Variants in ATAD3B observed in about 807,000 individuals in gnomAD.
The protein encoded by ATAD3B is ATPase family AAA domain-containing protein 3B.
Under a neutral mutation model 70.2 loss-of-function variants are expected in ATAD3B, and 59 were observed. That is an observed-to-expected ratio of 0.84 (90% CI 0.68 to 1.04). The LOEUF (loss-of-function observed/expected upper bound fraction) is 1.04, where lower values mean the gene tolerates loss of function less well. Ranked by LOEUF, ATAD3B falls within the 50% of genes least tolerant of loss-of-function variation. The pLI, the probability that ATAD3B is intolerant of heterozygous loss-of-function variation, is 0.00. For synonymous variants in ATAD3B, 423 were observed against 388.6 expected (o/e 1.09, Z -1.04); for missense variants, 961 against 913.4 (o/e 1.05, Z -0.67).
intron 15 of ATAD3B, among the ~76,000 whole-genome samples, chr1:1,492,746 T>G (rs1290394889): frequency 2.0e-5 from 3 of 151,830 alleles, no homozygotes; most frequent in African/African-American, 7.3e-5. Flanking sequence ...AAGACCAGCC[T>G]GGACAACATG....
At chr1:1,500,725 G>A (rs113320106), downstream of ATAD3B, among the ~76,000 whole-genome samples, 3,154 of 151,396 alleles carry the variant, frequency 0.021, 91 homozygotes, top group African/African-American at 0.068. Flanking sequence ...AGGCCGAGGC[G>A]GGCGGATCAC....
At chr1:1,477,732 G>T (rs1461424000) in intron 2 of ATAD3B, among the ~76,000 whole-genome samples, 1 of 147,226 alleles carries the variant, frequency 6.8e-6, no homozygotes, top group East Asian at 1.9e-4. Context: ...TTTTGAAACG[G>T]AGTCTCACTC....
At chr1:1,502,079 A>G (rs1300184024), downstream of ATAD3B, among the ~76,000 whole-genome samples, 1 of 151,522 alleles carries the variant, frequency 6.6e-6, no homozygotes, top group Non-Finnish European at 1.5e-5. Flanking sequence ...GGATTTCACC[A>G]TGTTGGCCAG....
chr1:1,482,336 ATG>A (rs746236774), intron 6 of ATAD3B, 33 bp downstream of exon 6: 6 of 1,547,870 alleles, frequency 3.9e-6, no homozygotes, highest in Non-Finnish European at 5.2e-6. Flanking sequence ...CCGGCCACAG[ATG>A]GAGCCCCGCA....
chr1:1,477,207 A>C, intron 1 of ATAD3B, 67 bp from the exon 2 acceptor site: 1 of 1,587,212 alleles, frequency 6.3e-7, no homozygotes, highest in East Asian at 2.3e-5. Context: ...GTTGGGTTTC[A>C]CCATGTTGGC....
intron 4 of ATAD3B, among the ~76,000 whole-genome samples, chr1:1,480,609 G>C (rs577607532): frequency 6.8e-6 from 1 of 147,290 alleles, no homozygotes; most frequent in Non-Finnish European, 1.5e-5. Context: ...AGGTCGGCCC[G>C]CGGTGGCCCT....
At chr1:1,506,503 C>T in the ATAD3B span, among the ~76,000 whole-genome samples, 1 of 151,662 alleles carries the variant, frequency 6.6e-6, no homozygotes, top group Non-Finnish European at 1.5e-5. Flanking sequence ...GTCAGGTGAT[C>T]TGTCTGCCTT....
intron 2 of ATAD3B, chr1:1,477,994 A>T (rs1320434234): frequency 6.2e-6 from 1 of 160,120 alleles, no homozygotes; most frequent in Non-Finnish European, 1.4e-5. Flanking sequence ...ACGCGCCACC[A>T]CGCCTGGCCT....
At chr1:1,495,369 C>T in intron 15 of ATAD3B, 116 bp from the exon 16 acceptor site, 1 of 1,385,534 alleles carries the variant, frequency 7.2e-7, no homozygotes, top group Non-Finnish European at 9.7e-7. Flanking sequence ...CTGTGTTTCA[C>T]CCTGAGGTTG....
intron 13 of ATAD3B, 81 bp downstream of exon 13, chr1:1,489,355 T>C (rs1640405095): frequency 1.2e-6 from 2 of 1,600,580 alleles, no homozygotes; most frequent in East Asian, 2.2e-5. Flanking sequence ...GGTCCCTGGC[T>C]CACAGTGCTG....
chr1:1,473,174 C>T (rs373717460), intron 1 of ATAD3B, among the ~76,000 whole-genome samples: 2 of 123,924 alleles, frequency 1.6e-5, no homozygotes, highest in East Asian at 2.8e-4. Flanking sequence ...GAGTCTCGCT[C>T]TGTCGCCCAG....
Position 1,495,595 on chromosome 1 carries a change from G to C in ATAD3B, c.1725G>C (p.Glu575Asp), listed in dbSNP as rs1040128103. ...AGAAGATGCGCTGGCTGAAGGCGGA[G>C]GGGCCTGGGCGCGGGGTCGAGCACC... Reference protein sequence around the residue: ...YRQKMRWLKAEGPGRGVEHPL... With the variant: ...YRQKMRWLKADGPGRGVEHPL... Residue 575 changes from glutamate (E) to aspartate (D), a missense_variant, in exon 16 of 16, where the codon GAG (glutamate) becomes GAC (aspartate). By Grantham distance (45) the Glu-to-Asp change is conservative. Around this residue, in one of 4 missense-constraint regions of ATAD3B, gnomAD observed 417 missense variants for 335.0 expected, o/e 1.24. Coordinates refer to ENST00000673477, the MANE Select transcript of ATAD3B (RefSeq NM_031921.6). 31 of 1,613,068 alleles carry C rather than the reference G, an allele frequency of 1.9e-5. No homozygotes were observed. The highest frequency in any genetic ancestry group is 2.6e-5 in the Non-Finnish European group (31 of 1,179,514).
At chr1:1,476,165 G>A (rs1214178553) in intron 1 of ATAD3B, among the ~76,000 whole-genome samples, 1 of 145,388 alleles carries the variant, frequency 6.9e-6, no homozygotes, top group Non-Finnish European at 1.5e-5. Flanking sequence ...TGGGGCCCCC[G>A]AGGTTAGCTA....
rs529354838 is a variant in ATAD3B, at chr1:1,486,850, G to A, written c.1214+182G>A. 4.7e-5 allele frequency among the ~76,000 whole-genome samples: 7 copies of A among 150,124 alleles called. No individual in the cohort carries two copies. The South Asian group carries it at 1.1e-3, about 23-fold the overall frequency. ...AGTCCCCTGAGTGTGGACCCTGGTG[G>A]ACACGAGGTCCCCAGCGTGTGGAGG... On this transcript the variant is annotated intron_variant, in intron 11 of 15. Coordinates refer to ENST00000673477, the MANE Select transcript of ATAD3B (RefSeq NM_031921.6).
intron 1 of ATAD3B, among the ~76,000 whole-genome samples, chr1:1,475,024 C>A (rs2100519704): frequency 6.7e-6 from 1 of 149,158 alleles, no homozygotes; most frequent in East Asian, 1.9e-4. Context: ...CCTGCGGCCC[C>A]CTGCAGTGGT....
At chr1:1,493,742 T>C (rs1412901653) in intron 15 of ATAD3B, among the ~76,000 whole-genome samples, 2 of 151,966 alleles carry the variant, frequency 1.3e-5, no homozygotes, top group African/African-American at 4.8e-5. Context: ...TTTTCATATA[T>C]TGAACTATCC....
chr1:1,481,129 G>C (rs1373518609), intron 5 of ATAD3B, among the ~76,000 whole-genome samples, 193 bp downstream of exon 5: 1 of 139,006 alleles, frequency 7.2e-6, no homozygotes, highest in African/African-American at 2.9e-5. Context: ...GCCAGGATCT[G>C]TTCAGGGAGG....
In ATAD3B at chr1:1,496,548, G is replaced by A. The variant is rs1289075325; in HGVS notation, c.*731G>A. 2 of 152,194 alleles carry A rather than the reference G, an allele frequency of 1.3e-5. No homozygotes were observed. Among genetic ancestry groups the A allele is most frequent in the African/African-American group, 2.4e-5 (1 of 41,436 alleles). The allele number at this position is 152,194 out of a possible 1,614,324, so 9.4% of individuals were successfully genotyped here. ...CCCAGGCATCGTCCATGGAAGACACGCAGTCGGCCACTGCAGCCTCGGTCC... is the reference window on the plus strand; with the variant it reads ...CCCAGGCATCGTCCATGGAAGACACACAGTCGGCCACTGCAGCCTCGGTCC... On this transcript the variant is annotated 3_prime_UTR_variant, in exon 16 of 16. Coordinates refer to ENST00000673477, the MANE Select transcript of ATAD3B (RefSeq NM_031921.6).
At chr1:1,491,609 C>G (rs1360373868) in intron 15 of ATAD3B, among the ~76,000 whole-genome samples, 1 of 152,008 alleles carries the variant, frequency 6.6e-6, no homozygotes, top group Non-Finnish European at 1.5e-5. Context: ...GCCCTGGCCA[C>G]ACACAGGCAT....
Sources: allele counts gnomAD v4.1 joint callset (sites outside exome capture counted in the v4.1 genomes callset), GRCh38; gene constraint gnomAD v4.1.1; regional missense constraint gnomAD v4.1.1; transcripts MANE v1.5; gene names NCBI Gene and HGNC (gene_info 2026-07-23, HGNC 2026-07-21).